DAZAP2: variants seen among roughly 807,000 people sequenced by gnomAD.
DAZAP2 encodes the protein DAZ-associated protein 2.
Under a neutral mutation model 16.2 loss-of-function variants are expected in DAZAP2, and 3 were observed. That is an observed-to-expected ratio of 0.19 (90% CI 0.08 to 0.48). DAZAP2 has a LOEUF of 0.48. Ranked by LOEUF, DAZAP2 falls within the 20% of genes least tolerant of loss-of-function variation. The pLI, the probability that DAZAP2 is intolerant of heterozygous loss-of-function variation, is 0.98. For missense variants in DAZAP2, 172 were observed against 215.9 expected (o/e 0.80, Z 1.27); for synonymous variants, 69 against 77.6 (o/e 0.89, Z 0.58).
At chr12:51,241,917 A>C (rs1209385111) in intron 3 of DAZAP2, among the ~76,000 whole-genome samples, 1 of 151,436 alleles carries the variant, frequency 6.6e-6, no homozygotes, top group Admixed American at 6.6e-5. Context: ...GCAAGACTCT[A>C]TCTCAAAAAA....
In DAZAP2 at chr12:51,243,203, C is replaced by A; in HGVS notation, c.*745C>A. 1.0e-6 allele frequency: 1 copy of A among 985,850 alleles called. No individual in the cohort carries two copies. The highest frequency in any genetic ancestry group is 1.7e-5 in the African/African-American group (1 of 57,334). 61.1% of individuals were successfully genotyped at this position (985,850 alleles called of 1,614,324 possible). A position where few individuals can be genotyped will look rare whatever the true frequency, so the allele number is the denominator to read the frequency against. On this transcript the variant is annotated 3_prime_UTR_variant, in exon 4 of 4. Transcript: ENST00000412716. The stretch of plus-strand genomic sequence containing the variant: ...TCCTCATAGGTTGTCTCTGCATACA[C>A]GAACCTAACCCAAATTTGCTTTGGT...
chr12:51,244,016 G>A (rs942125583), downstream of DAZAP2: 8 of 720,732 alleles, frequency 1.1e-5, no homozygotes, highest in South Asian at 1.3e-4. Flanking sequence ...TTGGAATTTC[G>A]GACCTAAACT....
In DAZAP2 at chr12:51,240,309, A is replaced by G. The variant is rs768136228; in HGVS notation, c.14-34A>G. ...CTGCCTCATTTTGGTAGCTCTGTGT[A>G]GTAGGCAACCTTCATTTTTTTCTTG... is the stretch of plus-strand genomic sequence containing the variant. On this transcript the variant is annotated intron_variant, in intron 1 of 3. Coordinates refer to ENST00000412716, the MANE Select transcript of DAZAP2 (RefSeq NM_014764.4). 6 of 1,563,360 alleles carry G rather than the reference A, an allele frequency of 3.8e-6. No individual in the cohort carries two copies. The Middle Eastern group carries it at 1.0e-3, about 262-fold the overall frequency.
chr12:51,243,745 C>CTAT lies in DAZAP2; in HGVS notation c.*1289_*1291dup. 1.0e-6 allele frequency: 1 copy of CTAT among 985,598 alleles called. No homozygotes were observed. Among genetic ancestry groups the CTAT allele is most frequent in the Non-Finnish European group, 1.2e-6 (1 of 829,736 alleles). 61.1% of individuals were successfully genotyped at this position (985,598 alleles called of 1,614,324 possible). A position where few individuals can be genotyped will look rare whatever the true frequency, so the allele number is the denominator to read the frequency against. ...TTATACTAAAAATGTAGAATAAAGA[C>CTAT]TATTTTGAAGATTTGAATAAAGTGA... On this transcript the variant is annotated 3_prime_UTR_variant, in exon 4 of 4. Transcript: ENST00000412716.
Position 51,240,874 on chromosome 12 carries a change from T to C in DAZAP2, c.136T>C (p.Tyr46His). 6.2e-7 allele frequency: 1 copy of C among 1,613,654 alleles called. No individual in the cohort carries two copies. The highest frequency in any genetic ancestry group is 8.5e-7 in the Non-Finnish European group (1 of 1,179,630). ...CCTTCTCTTCTGCCTCTTCTAGCTC[T>C]ATCGTCCGAGCTTTGTGCACCCAGG... The part of the protein sequence containing the change: ...TDAPPAYSEL[Y>H]RPSFVHPGAA... Residue 46 changes from tyrosine to histidine, a missense_variant, in exon 3 of 4, where the codon TAT (tyrosine) becomes CAT (histidine). By Grantham distance (83) the Tyr-to-His change is moderately conservative (BLOSUM62 2). Transcript: ENST00000412716.
Position 51,243,040 on chromosome 12 carries a change from G to A in DAZAP2, c.*582G>A, listed in dbSNP as rs1389202667. ...GTCAGACTAATTTCCTTCTTTCCTC[G>A]CACTTCTCCCCACTCGTCATCTTTT... On this transcript the variant is annotated 3_prime_UTR_variant, in exon 4 of 4. Transcript: ENST00000412716. 5 of 994,654 alleles carry A rather than the reference G, an allele frequency of 5.0e-6. No homozygotes were observed. The highest frequency in any genetic ancestry group is 3.5e-5 in the African/African-American group (2 of 57,328). 61.6% of individuals were successfully genotyped at this position (994,654 alleles called of 1,614,324 possible). A position where few individuals can be genotyped will look rare whatever the true frequency, so the allele number is the denominator to read the frequency against.
At chr12:51,246,062 T>C, downstream of DAZAP2, 1 of 1,613,792 alleles carries the variant, frequency 6.2e-7, no homozygotes, top group Non-Finnish European at 8.5e-7. Flanking sequence ...CTTGTACAGG[T>C]AAAAGAAGAT....
intron 1 of DAZAP2, 99 bp downstream of exon 1, chr12:51,239,019 G>C (rs1191209736): frequency 6.5e-7 from 1 of 1,541,268 alleles, no homozygotes; most frequent in Non-Finnish European, 8.8e-7. Context: ...GTTTGGGGTG[G>C]GCTGCGCCAT....
chr12:51,242,537 T>C lies in DAZAP2; in HGVS notation c.*79T>C, dbSNP rs1416463152. 3.7e-6 allele frequency: 6 copies of C among 1,613,224 alleles called. No individual in the cohort carries two copies. Among genetic ancestry groups the C allele is most frequent in the East Asian group, 2.2e-5 (1 of 44,884 alleles). ...TCACAATGTAACTGCTTTAGTCATA[T>C]TAACCTGAAGTTGCAGTTTAGACAC... On this transcript the variant is annotated 3_prime_UTR_variant, in exon 4 of 4. Transcript: ENST00000412716.
At chr12:51,245,932 T>C (rs1390891675), downstream of DAZAP2, 1 of 1,611,072 alleles carries the variant, frequency 6.2e-7, no homozygotes, top group Non-Finnish European at 8.5e-7. Context: ...CCTTGGGGCC[T>C]GGGAGTCATT....
chr12:51,241,189 C>T (rs1326008977), intron 3 of DAZAP2, 73 bp downstream of exon 3: 6 of 1,568,524 alleles, frequency 3.8e-6, no homozygotes, highest in Non-Finnish European at 5.2e-6. Context: ...CATATTCATT[C>T]TCTTACCATT....
At position 51,242,584 on chromosome 12, in the gene DAZAP2, G is replaced by A; in HGVS notation, c.*126G>A. On this transcript the variant is annotated 3_prime_UTR_variant, in exon 4 of 4. Coordinates refer to ENST00000412716, the MANE Select transcript of DAZAP2 (RefSeq NM_014764.4). ...ACACATGTTGTTGGGGTGTCTTTCT[G>A]GTGCCCAAACTTTCAGGCACTTTTC... 1 of 1,606,596 alleles carries A rather than the reference G, an allele frequency of 6.2e-7. No homozygotes were observed. The highest frequency in any genetic ancestry group is 8.5e-7 in the Non-Finnish European group (1 of 1,176,626).
chr12:51,242,069 G>A (rs968220928), intron 3 of DAZAP2, among the ~76,000 whole-genome samples: 6 of 152,158 alleles, frequency 3.9e-5, no homozygotes, highest in African/African-American at 1.4e-4. Context: ...GGTCTGGTCT[G>A]TTCATGTTCA....
chr12:51,242,858 T>G lies in DAZAP2; in HGVS notation c.*400T>G, dbSNP rs1042721105. On this transcript the variant is annotated 3_prime_UTR_variant, in exon 4 of 4. Transcript: ENST00000412716. ...TTATTCTGATTGGTCTTTAATCTCCTTTAAGTCTTTGATATATATTACTTG... is the reference window on the plus strand; with the variant it reads ...TTATTCTGATTGGTCTTTAATCTCCGTTAAGTCTTTGATATATATTACTTG... 8 of 1,360,338 alleles carry G rather than the reference T, an allele frequency of 5.9e-6. No homozygotes were observed. In the South Asian group the frequency reaches 7.2e-5, roughly 12 times the overall value. The allele number at this position is 1,360,338 out of a possible 1,614,324, so 84.3% of individuals were successfully genotyped here. A position where few individuals can be genotyped will look rare whatever the true frequency, so the allele number is the denominator to read the frequency against.
At position 51,238,826 on chromosome 12, in the gene DAZAP2, G is replaced by C; in HGVS notation, c.-82G>C. On this transcript the variant is annotated 5_prime_UTR_variant, in exon 1 of 4. Transcript: ENST00000412716. ...ACGCTAGGCGGACGGACCATCATGT[G>C]ACACGGAAGTAGCTCCGAACAGGAA... 2 of 1,608,460 alleles carry C rather than the reference G, an allele frequency of 1.2e-6. No individual in the cohort carries two copies. Among genetic ancestry groups the C allele is most frequent in the Non-Finnish European group, 1.7e-6 (2 of 1,178,380 alleles).
At chr12:51,240,573 T>A (rs1944657437) in intron 2 of DAZAP2, 112 bp downstream of exon 2, 1 of 1,085,092 alleles carries the variant, frequency 9.2e-7, no homozygotes, top group Non-Finnish European at 1.4e-6. Flanking sequence ...CTAACATGAA[T>A]AATCTAAAAC....
intron 1 of DAZAP2, chr12:51,240,072 A>C: frequency 3.8e-5 from 16 of 424,862 alleles, no homozygotes; most frequent in East Asian, 9.5e-5. Context: ...TCCGGAGGGA[A>C]CTTGGGCCCA....
downstream of DAZAP2, chr12:51,246,271 C>A: frequency 8.9e-7 from 1 of 1,118,308 alleles, no homozygotes; most frequent in Non-Finnish European, 1.2e-6. Flanking sequence ...GTTCCCCCAC[C>A]AACCCCAATT....
downstream of DAZAP2, chr12:51,246,399 G>A (rs1944770169): frequency 4.2e-6 from 2 of 473,096 alleles, no homozygotes; most frequent in Non-Finnish European, 7.5e-6. Flanking sequence ...GAAACGGGAA[G>A]GAGGGAACAG....
Sources: allele counts gnomAD v4.1 joint callset (sites outside exome capture counted in the v4.1 genomes callset), GRCh38; gene constraint gnomAD v4.1.1; transcripts MANE v1.5; gene names NCBI Gene and HGNC (gene_info 2026-07-23, HGNC 2026-07-21).